Variants in KAZN observed in about 807,000 individuals in gnomAD.
KAZN encodes kazrin.
In KAZN, 40 loss-of-function variants were observed where a neutral mutation model predicts 87.4. That is an observed-to-expected ratio of 0.46 (90% CI 0.36 to 0.60). The LOEUF (loss-of-function observed/expected upper bound fraction) is 0.60. KAZN is among the 20% of genes least tolerant of loss of function. The probability of loss-of-function intolerance (pLI) is 0.00; values close to 1 mark genes in which losing one functional copy is unlikely to be tolerated. For missense variants in KAZN, 898 were observed against 1,073.9 expected (o/e 0.84, Z 2.29); for synonymous variants, 466 against 458.3 (o/e 1.02, Z -0.22).
rs201790804 is a variant in KAZN, at chr1:15,021,000, CA to C, written c.419-13747del. On this transcript the variant is annotated intron_variant, in intron 2 of 14. Coordinates refer to ENST00000376030, the MANE Select transcript of KAZN (RefSeq NM_201628.3). The stretch of plus-strand genomic sequence containing the variant: ...GGCTGCTGCCTGCATCTGCCTTCAA[CA>C]ACCCTGCTGTGTCTCTGTTACGCAG... Among the ~76,000 whole-genome samples, 115 of 152,330 alleles carry C rather than the reference CA, an allele frequency of 7.5e-4. 5 individuals are homozygous for C. In the East Asian group the frequency reaches 0.022, roughly 29 times the overall value.
intron 2 of KAZN, among the ~76,000 whole-genome samples, chr1:14,480,765 A>AATATATAAT (rs926617510): frequency 1.4e-5 from 2 of 145,932 alleles, no homozygotes; most frequent in Admixed American, 1.4e-4. Context: ...ATATGTAAAA[A>AATATATAAT]ATATATAATA....
Position 14,441,363 on chromosome 1 carries a change from AGCAGCG to A in KAZN, c.250-157608_250-157603del, listed in dbSNP as rs575713289. Among the ~76,000 whole-genome samples the A allele has an allele frequency of 2.6e-5, 4 of 152,020 alleles. No individual in the cohort carries two copies. The East Asian group carries it at 7.7e-4, about 29-fold the overall frequency. ...GACTTCCCAGTATGTTGTTCCGGGC[AGCAGCG>A]GCAGCGGCAGCAGCAGCAGCAGCAG... is the stretch of plus-strand genomic sequence containing the variant. On this transcript the variant is annotated intron_variant, in intron 2 of 16. Coordinates refer to the KAZN transcript ENST00000636203.
intron 2 of KAZN, among the ~76,000 whole-genome samples, chr1:14,361,721 G>C (rs1659529977): frequency 6.6e-6 from 1 of 152,232 alleles, no homozygotes. Flanking sequence ...TGCACCCACT[G>C]TCTGACCAGT....
At chr1:14,581,349 T>C (rs1320009697) in intron 2 of KAZN, among the ~76,000 whole-genome samples, 1 of 152,200 alleles carries the variant, frequency 6.6e-6, no homozygotes, top group Non-Finnish European at 1.5e-5. Context: ...GCATTTAGCC[T>C]GTCAGCAAAA....
chr1:14,988,277 C>T (rs543355774), intron 2 of KAZN, among the ~76,000 whole-genome samples: 1 of 152,362 alleles, frequency 6.6e-6, no homozygotes, highest in South Asian at 2.1e-4. Flanking sequence ...TCTCTTCCTC[C>T]TCCCGGGGCT....
chr1:14,194,185 CTT>C (rs1475165959), intron 2 of KAZN, among the ~76,000 whole-genome samples: 3 of 152,218 alleles, frequency 2.0e-5, no homozygotes, highest in Admixed American at 2.0e-4. Flanking sequence ...TCAACCAAAT[CTT>C]GATACTTTAG....
intron 2 of KAZN, among the ~76,000 whole-genome samples, chr1:14,506,385 T>G (rs1356192794): frequency 6.6e-6 from 1 of 152,242 alleles, no homozygotes; most frequent in Admixed American, 6.5e-5. Flanking sequence ...ATGCTATTAC[T>G]ATACATCACA....
chr1:15,015,845 C>T (rs1670030276), intron 2 of KAZN, among the ~76,000 whole-genome samples: 1 of 152,136 alleles, frequency 6.6e-6, no homozygotes, highest in South Asian at 2.1e-4. Context: ...GCAGCAAAAC[C>T]CTGACCGGCC....
At chr1:14,163,798 G>A (rs1570912030) in intron 1 of KAZN, among the ~76,000 whole-genome samples, 1 of 152,278 alleles carries the variant, frequency 6.6e-6, no homozygotes, top group African/African-American at 2.4e-5. Context: ...CAGCTTATTC[G>A]ATATATTTTC....
At chr1:13,902,305 C>A (rs556244368) in intron 1 of KAZN, among the ~76,000 whole-genome samples, 56 of 152,336 alleles carry the variant, frequency 3.7e-4, no homozygotes, top group African/African-American at 1.3e-3. Context: ...TTCCATGATA[C>A]CAAAAGTCCA....
At chr1:14,292,380 C>T (rs1462648348) in intron 2 of KAZN, among the ~76,000 whole-genome samples, 1 of 152,168 alleles carries the variant, frequency 6.6e-6, no homozygotes. Context: ...GGAAAAATCG[C>T]CCAAATAGCA....
intron 1 of KAZN, among the ~76,000 whole-genome samples, chr1:14,616,008 A>G (rs1412608292): frequency 6.6e-6 from 1 of 152,194 alleles, no homozygotes; most frequent in Non-Finnish European, 1.5e-5. Context: ...AGACATGCGC[A>G]GGAGAGACAC....
chr1:14,579,541 C>T (rs1367101136), intron 2 of KAZN, among the ~76,000 whole-genome samples: 2 of 151,564 alleles, frequency 1.3e-5, no homozygotes, highest in African/African-American at 2.4e-5. Flanking sequence ...AGGAGAATGG[C>T]GTGAACCTGG....
chr1:14,633,698 G>A (rs1395900513), intron 1 of KAZN, among the ~76,000 whole-genome samples: 2 of 152,130 alleles, frequency 1.3e-5, no homozygotes, highest in Non-Finnish European at 2.9e-5. Flanking sequence ...ATGACACACA[G>A]TCCTCGACTC....
intron 1 of KAZN, among the ~76,000 whole-genome samples, chr1:14,035,928 C>A (rs573269058): frequency 8.2e-4 from 125 of 152,278 alleles, no homozygotes; most frequent in African/African-American, 1.2e-3. Flanking sequence ...TGGAGAAAAT[C>A]ATTTCCTAGG....
intron 1 of KAZN, among the ~76,000 whole-genome samples, chr1:14,752,816 C>T (rs1333408494): frequency 6.6e-6 from 1 of 152,120 alleles, no homozygotes; most frequent in Non-Finnish European, 1.5e-5. Flanking sequence ...AAAGCCCATC[C>T]TTTTTCCACC....
At chr1:14,971,733 A>G (rs1424692670) in intron 2 of KAZN, among the ~76,000 whole-genome samples, 1 of 142,078 alleles carries the variant, frequency 7.0e-6, no homozygotes, top group Non-Finnish European at 1.5e-5. Context: ...CCAGGCTGGA[A>G]TGCAGTGGCG....
At chr1:14,858,228 T>TTTTTTTTTTTTTTTC (rs1468006461) in intron 1 of KAZN, among the ~76,000 whole-genome samples, 1 of 146,226 alleles carries the variant, frequency 6.8e-6, no homozygotes. Flanking sequence ...TTTTTTTTTT[T>TTTTTTTTTTTTTTTC]TTGAGACAAA....
At chr1:14,370,604 G>C (rs893411988) in intron 2 of KAZN, among the ~76,000 whole-genome samples, 3 of 152,054 alleles carry the variant, frequency 2.0e-5, no homozygotes, top group Non-Finnish European at 4.4e-5. Flanking sequence ...TTACATGTGT[G>C]TCCACCTACC....
Sources: gnomAD v4.1 joint callset for allele counts (sites outside exome capture counted in the v4.1 genomes callset) on GRCh38, gnomAD v4.1.1 for gene constraint, MANE v1.5 for transcripts, NCBI Gene and HGNC (gene_info 2026-07-23, HGNC 2026-07-21) for gene names.